The following SETD4 variants were observed in gnomAD, a reference collection of about 807,000 sequenced individuals.
SETD4 encodes the protein SET domain-containing protein 4.
SETD4 carries 46 observed loss-of-function variants against 58.3 expected under a neutral mutation model. The ratio of observed to expected loss-of-function variants is 0.79; its 90% CI spans 0.62 to 1.01. The LOEUF (loss-of-function observed/expected upper bound fraction) is 1.01. Among genes scored for constraint, SETD4 ranks in the 50% least tolerant of loss-of-function variants. The probability of loss-of-function intolerance (pLI) is 0.00; values close to 1 mark genes in which losing one functional copy is unlikely to be tolerated. For missense variants in SETD4, 490 were observed against 523.3 expected (o/e 0.94, Z 0.62); for synonymous variants, 190 against 202.6 (o/e 0.94, Z 0.53).
rs1177573442 is a variant in SETD4, at chr21:36,048,179, C to A, written c.296+129G>T. 5.1e-6 allele frequency: 4 copies of A among 788,112 alleles called. No individual in the cohort carries two copies. The African/African-American group carries it at 5.1e-5, about 10-fold the overall frequency. 48.8% of individuals were successfully genotyped at this position (788,112 alleles called of 1,614,324 possible). A position where few individuals can be genotyped will look rare whatever the true frequency, so the allele number is the denominator to read the frequency against. On this transcript the variant is annotated intron_variant, in intron 5 of 11. Coordinates refer to ENST00000332131, the MANE Select transcript of SETD4 (RefSeq NM_017438.5). ...CTAGAATGGAGTAAACTTTTCACAT[C>A]ATTCAGGTTATTTATCAGCTCTACA...
At chr21:36,053,470 G>A (rs2064817118) in intron 4 of SETD4, 113 bp downstream of exon 4, 2 of 1,011,268 alleles carry the variant, frequency 2.0e-6, no homozygotes, top group Non-Finnish European at 3.1e-6. Context: ...TATCTATTAG[G>A]TAAGTAAGAA....
chr21:36,036,223 G>T lies in SETD4; in HGVS notation c.1217C>A (p.Ala406Asp). ...CACCAAAGTTAGTTGGTTTATCAGG[G>T]CCTCTTTTTCATCCTTCATATGAGA... is the stretch of plus-strand genomic sequence containing the variant. ...KVSHMKDEKE[A>D]LINQLTLVES... is the part of the protein sequence containing the mutation. The change falls in exon 11 of 12, where the codon GCC becomes GAC. Residue 406 changes from alanine to aspartate, a missense_variant. Coordinates refer to ENST00000332131, the MANE Select transcript of SETD4 (RefSeq NM_017438.5). The T allele has an allele frequency of 6.2e-7, 1 of 1,610,358 alleles. No homozygotes were observed. The highest frequency in any genetic ancestry group is 8.5e-7 in the Non-Finnish European group (1 of 1,179,060).
intron 1 of SETD4, 37 bp from the exon 2 acceptor site, chr21:36,058,961 G>T: frequency 2.7e-6 from 4 of 1,500,806 alleles, no homozygotes; most frequent in Admixed American, 2.4e-5. Flanking sequence ...TAATTTCTGT[G>T]GAAATGCTCA....
rs928294426 is a variant in SETD4 at position 36,045,689 on chromosome 21, T to G, written c.619A>C (p.Arg207=). The change falls in exon 6 of 12, where the codon AGA becomes CGA. Residue 207 remains arginine, a synonymous_variant. Coordinates refer to ENST00000332131, the MANE Select transcript of SETD4 (RefSeq NM_017438.5). Reference sequence around the variant, plus strand: ...TGCCTGGGCCTCAGGTACACGGCTCTGGTGTTGACGGTGCACCAAGCCCAC... The same window carrying G: ...TGCCTGGGCCTCAGGTACACGGCTCGGGTGTTGACGGTGCACCAAGCCCAC... ...LLWAWCTVNT[R]AVYLRPRQRE... 1 of 1,614,206 alleles carries G rather than the reference T, an allele frequency of 6.2e-7. No individual in the cohort carries two copies.
chr21:36,038,209 C>T lies in SETD4; in HGVS notation c.1129G>A (p.Asp377Asn). The T allele has an allele frequency of 1.2e-6, 2 of 1,614,122 alleles. No individual in the cohort carries two copies. The highest frequency in any genetic ancestry group is 2.2e-5 in the South Asian group (2 of 91,076). The change falls in exon 10 of 12, where the codon GAC becomes AAC. Residue 377 changes from aspartate (D) to asparagine (N), a missense_variant. Transcript: ENST00000332131. ...ISDTNEKTSLDIAQKICYYFI... is the reference protein window; with the variant it reads ...ISDTNEKTSLNIAQKICYYFI... ...TAATAGCATATTTTCTGGGCTATGT[C>T]CAAACTTGTCTTCTCATTCGTATCT...
At chr21:36,051,370 T>C in intron 4 of SETD4, 2 of 1,530,272 alleles carry the variant, frequency 1.3e-6, no homozygotes, top group South Asian at 1.2e-5. Flanking sequence ...AAACTACTGG[T>C]GGACTGACTC....
Position 36,050,009 on chromosome 21 carries a change from G to A in SETD4, c.208-1613C>T, listed in dbSNP as rs1023613603. Among the ~76,000 whole-genome samples, 6 of 152,196 alleles carry A rather than the reference G, an allele frequency of 3.9e-5. 1 individual carries two copies. Among genetic ancestry groups the A allele is most frequent in the Admixed American group, 3.3e-4 (5 of 15,284 alleles). ...AACTTCAAAATGGTTAAGATGGTAAGTTTTATGTTAGATGAGCTTCCGGGT... is the reference window on the plus strand; with the variant it reads ...AACTTCAAAATGGTTAAGATGGTAAATTTTATGTTAGATGAGCTTCCGGGT... On this transcript the variant is annotated intron_variant, in intron 4 of 11. Coordinates refer to ENST00000332131, the MANE Select transcript of SETD4 (RefSeq NM_017438.5).
intron 4 of SETD4, among the ~76,000 whole-genome samples, chr21:36,048,717 CTTTT>C (rs5843739): frequency 7.7e-6 from 1 of 129,766 alleles, no homozygotes; most frequent in Admixed American, 8.1e-5. Flanking sequence ...TGTTTCTTCA[CTTTT>C]TTTTTTTTTT....
chr21:36,058,681 GCAC>G, intron 2 of SETD4, 132 bp downstream of exon 2: 4 of 987,284 alleles, frequency 4.1e-6, no homozygotes, highest in Non-Finnish European at 5.8e-6. Context: ...TGACACCACT[GCAC>G]TCCAGCCTGG....
intron 5 of SETD4, among the ~76,000 whole-genome samples, chr21:36,046,535 A>C (rs931328348): frequency 6.6e-6 from 1 of 152,370 alleles, no homozygotes; most frequent in Non-Finnish European, 1.5e-5. Context: ...TTAATTGCAC[A>C]ATAGCCATTC....
chr21:36,057,037 G>T, intron 3 of SETD4, 72 bp downstream of exon 3: 2 of 1,214,846 alleles, frequency 1.6e-6, no homozygotes, highest in South Asian at 2.4e-5. Context: ...AGGCCCACCT[G>T]CAAGAGTGGC....
In SETD4 at chr21:36,047,530, C is replaced by T. The variant is rs149023889; in HGVS notation, c.296+778G>A. On this transcript the variant is annotated intron_variant, in intron 5 of 11. Coordinates refer to ENST00000332131, the MANE Select transcript of SETD4 (RefSeq NM_017438.5). Reference sequence around the variant, plus strand: ...AGTAACTTACATTTGTCAAGAGCTACTATGATGGAAGAGAAGAGGCTACTA... The same window carrying T: ...AGTAACTTACATTTGTCAAGAGCTATTATGATGGAAGAGAAGAGGCTACTA... 6.7e-3 allele frequency among the ~76,000 whole-genome samples: 1,017 copies of T among 152,216 alleles called. 13 individuals carry two copies. Among genetic ancestry groups the T allele is most frequent in the African/African-American group, 0.023 (953 of 41,528 alleles).
rs200934752 is a variant in SETD4 at position 36,043,813 on chromosome 21, A to G, written c.870T>C (p.His290=). ...LFLEYGFVSV[H]NPHACVYVSR... ...AGACATAAACACAAGCATGAGGATT[A>G]TGGACAGAAACAAATCCGTATTCCA... Residue 290 remains histidine (H), a synonymous_variant, in exon 7 of 12, where the codon CAT becomes CAC. Transcript: ENST00000332131. The G allele has an allele frequency of 4.2e-5, 67 of 1,614,230 alleles. No homozygotes were observed. In the African/African-American group the frequency reaches 8.4e-4, roughly 20 times the overall value.
Position 36,035,846 on chromosome 21 carries a change from C to T in SETD4, c.*147G>A. The T allele has an allele frequency of 2.2e-6, 1 of 458,628 alleles. No individual in the cohort carries two copies. Among genetic ancestry groups the T allele is most frequent in the South Asian group, 2.3e-5 (1 of 44,380 alleles). 28.4% of individuals were successfully genotyped at this position (458,628 alleles called of 1,614,324 possible). On this transcript the variant is annotated 3_prime_UTR_variant, in exon 12 of 12. Coordinates refer to ENST00000332131, the MANE Select transcript of SETD4 (RefSeq NM_017438.5). Reference sequence around the variant, plus strand: ...GCCATCCAGACAGCTTGTCCACCTTCACTCACAGCCTCACAATCCCAGAAC... The same window carrying T: ...GCCATCCAGACAGCTTGTCCACCTTTACTCACAGCCTCACAATCCCAGAAC...
At chr21:36,050,883 G>A (rs933906090) in intron 4 of SETD4, 8 of 1,610,908 alleles carry the variant, frequency 5.0e-6, no homozygotes, top group African/African-American at 1.3e-5. Context: ...TTGTTCAACA[G>A]ATGGGAGAAT....
chr21:36,053,387 T>C, intron 4 of SETD4, 196 bp downstream of exon 4: 1 of 627,878 alleles, frequency 1.6e-6, no homozygotes, highest in East Asian at 2.7e-5. Context: ...CCATGCTGCT[T>C]AAGCACCTCA....
chr21:36,050,924 G>A, intron 4 of SETD4: 4 of 1,610,328 alleles, frequency 2.5e-6, no homozygotes, highest in Non-Finnish European at 2.5e-6. Context: ...GTGGTGTGGG[G>A]ATGATGTGTT....
intron 5 of SETD4, 94 bp from the exon 6 acceptor site, chr21:36,046,105 C>G (rs1459146947): frequency 4.6e-6 from 6 of 1,308,626 alleles, no homozygotes; most frequent in Non-Finnish European, 6.3e-6. Context: ...GGAGTGTGTT[C>G]AAACTGTCAA....
chr21:36,037,609 A>T (rs2063842932), intron 10 of SETD4, among the ~76,000 whole-genome samples: 1 of 149,716 alleles, frequency 6.7e-6, no homozygotes, highest in Non-Finnish European at 1.5e-5. Flanking sequence ...TGTCTCAAAA[A>T]AAAAAAAAAA....
Sources: gnomAD v4.1 joint callset for allele counts (sites outside exome capture counted in the v4.1 genomes callset) on GRCh38, gnomAD v4.1.1 for gene constraint, MANE v1.5 for transcripts, NCBI Gene and HGNC (gene_info 2026-07-23, HGNC 2026-07-21) for gene names.